SPTAN1: variants seen among roughly 807,000 people sequenced by gnomAD.
SPTAN1 encodes spectrin alpha chain, non-erythrocytic 1.
SPTAN1 carries 61 observed loss-of-function variants against 331.3 expected under a neutral mutation model. That is an observed-to-expected ratio of 0.18 (90% CI 0.15 to 0.23). The LOEUF (loss-of-function observed/expected upper bound fraction) is 0.23, where lower values mean the gene tolerates loss of function less well. SPTAN1 is among the 10% of genes least tolerant of loss of function. SPTAN1 has a pLI of 1.00. For missense variants in SPTAN1, 2,043 were observed against 3,147.9 expected, an observed-to-expected ratio of 0.65 and a Z score of 8.40; for synonymous variants, 1,153 against 1,173.9, an observed-to-expected ratio of 0.98 and a Z score of 0.36.
rs1858569285 is a variant in SPTAN1, at chr9:128,625,328, GAC to G, written c.6069+150_6069+151del. ...TGTCCTGGTCCTCAGGGAGCTTCCA[GAC>G]TAACTGGGGAAGCAGACACAGAACC... is the stretch of plus-strand genomic sequence containing the variant. On this transcript the variant is annotated intron_variant, in intron 47 of 56. Transcript: ENST00000372739. The surrounding 1 kb of genome is among the most constrained non-coding windows in gnomAD (Gnocchi z 4.1). 1 of 833,776 alleles carries G rather than the reference GAC, an allele frequency of 1.2e-6. No homozygotes were observed. The highest frequency in any genetic ancestry group is 2.0e-6 in the Non-Finnish European group (1 of 505,256). The allele number at this position is 833,776 out of a possible 1,614,324, so 51.6% of individuals were successfully genotyped here. A position where few individuals can be genotyped will look rare whatever the true frequency, so the allele number is the denominator to read the frequency against.
At chr9:128,614,047 A>C (rs959184207) in intron 40 of SPTAN1, among the ~76,000 whole-genome samples, 2 of 152,006 alleles carry the variant, frequency 1.3e-5, no homozygotes, top group Admixed American at 1.3e-4. Flanking sequence ...GGTGTTTTGC[A>C]TTGGATGAAA....
intron 41 of SPTAN1, among the ~76,000 whole-genome samples, chr9:128,616,210 G>C (rs574017017): frequency 7.9e-5 from 12 of 152,076 alleles, no homozygotes; most frequent in African/African-American, 2.6e-4. Flanking sequence ...TGATGTGGCA[G>C]GTAAACAAAC....
chr9:128,633,030 G>A (rs1478983495), intron 56 of SPTAN1, 75 bp downstream of exon 56: 2 of 1,600,678 alleles, frequency 1.2e-6, no homozygotes, highest in East Asian at 2.2e-5. Flanking sequence ...AGCTGAGTCT[G>A]GGGTAACAGG....
At position 128,627,095 on chromosome 9, in the gene SPTAN1, G is replaced by T. The variant is rs1462898957; in HGVS notation, c.6577-291G>T. 1.7e-6 allele frequency: 1 copy of T among 571,752 alleles called. No homozygotes were observed. The highest frequency in any genetic ancestry group is 1.8e-5 in the African/African-American group (1 of 54,214). The allele number at this position is 571,752 out of a possible 1,614,324, so 35.4% of individuals were successfully genotyped here. A position where few individuals can be genotyped will look rare whatever the true frequency, so the allele number is the denominator to read the frequency against. On this transcript the variant is annotated intron_variant, in intron 49 of 56. Coordinates refer to ENST00000372739, the MANE Select transcript of SPTAN1 (RefSeq NM_001130438.3). This position sits in a 1 kb window ranked among gnomAD's most constrained non-coding sequence, Gnocchi z 4.9. ...CCCAAAGTGCTGGGATTACAGGTGT[G>T]AGCCACTGTACCCAGCCAGAAGTTT...
At chr9:128,562,894 G>A (rs1053790988) in intron 1 of SPTAN1, among the ~76,000 whole-genome samples, 4 of 150,392 alleles carry the variant, frequency 2.7e-5, no homozygotes, top group Non-Finnish European at 4.4e-5. Context: ...GAACCCAGGA[G>A]GTGGAGCTTG....
chr9:128,584,963 C>A, intron 18 of SPTAN1, 120 bp downstream of exon 18: 2 of 1,154,952 alleles, frequency 1.7e-6, no homozygotes, highest in Non-Finnish European at 2.6e-6. Context: ...CATCCCCATT[C>A]TTTCCTAACT....
At chr9:128,632,094 C>T (rs900129867) in intron 52 of SPTAN1, 33 bp from the exon 53 acceptor site, 5 of 1,607,710 alleles carry the variant, frequency 3.1e-6, no homozygotes, top group South Asian at 2.2e-5. Context: ...CTGAGGGCCC[C>T]CGTCTGAGCA....
intron 4 of SPTAN1, 147 bp from the exon 5 acceptor site, chr9:128,575,052 G>T: frequency 7.8e-7 from 1 of 1,287,554 alleles, no homozygotes; most frequent in Non-Finnish European, 1.1e-6. Flanking sequence ...CTTTCTGTGG[G>T]AGGAACTAAA....
rs1194143165 is a variant in SPTAN1, at chr9:128,606,720, A to G, written c.4047-884A>G. Among the ~76,000 whole-genome samples the G allele has an allele frequency of 4.6e-5, 7 of 152,092 alleles. No homozygotes were observed. The East Asian group carries it at 1.4e-3, about 30-fold the overall frequency. ...AGGCTGGTCTCGAACTCCTGACCTC[A>G]GGTGATCCACCCACCTCGGCCTCCC... is the stretch of plus-strand genomic sequence containing the variant. On this transcript the variant is annotated intron_variant, in intron 31 of 56. Transcript: ENST00000372739.
intron 45 of SPTAN1, 47 bp from the exon 46 acceptor site, chr9:128,624,281 C>T: frequency 1.2e-6 from 2 of 1,612,240 alleles, no homozygotes; most frequent in East Asian, 2.2e-5. Context: ...AGTCAGGTAA[C>T]CACAGCAGGT....
Position 128,579,700 on chromosome 9 carries a change from G to C in SPTAN1, c.1285G>C (p.Ala429Pro). Residue 429 changes from alanine (A) to proline (P), a missense_variant, in exon 10 of 57, where the codon GCT becomes CCT. Ala to Pro is a conservative substitution (Grantham distance 27). This residue lies in a region of SPTAN1 where 1,038 missense variants were observed against 1,531.5 expected (regional missense o/e 0.68). Transcript: ENST00000372739. Reference protein sequence around the residue: ...SADESGQALLAAGHYASDEVR... With the variant: ...SADESGQALLPAGHYASDEVR... ...AGATGAATCTGGACAGGCACTGCTT[G>C]CTGCTGGTCACTATGCCTCAGATGA... The C allele has an allele frequency of 6.2e-7, 1 of 1,614,114 alleles. No individual in the cohort carries two copies. Among genetic ancestry groups the C allele is most frequent in the Non-Finnish European group, 8.5e-7 (1 of 1,180,008 alleles).
intron 31 of SPTAN1, among the ~76,000 whole-genome samples, chr9:128,606,050 C>T (rs560468561): frequency 2.0e-5 from 3 of 151,678 alleles, no homozygotes; most frequent in Non-Finnish European, 4.4e-5. Context: ...GTAAAATAGT[C>T]AAACTACTGA....
intron 27 of SPTAN1, among the ~76,000 whole-genome samples, chr9:128,602,405 C>T (rs569877920): frequency 2.6e-5 from 4 of 151,746 alleles, no homozygotes; most frequent in East Asian, 2.0e-4. Context: ...TTAGTAGAGA[C>T]GGGGTTTCGC....
intron 1 of SPTAN1, among the ~76,000 whole-genome samples, chr9:128,563,597 A>G (rs964021710): frequency 5.9e-5 from 9 of 152,128 alleles, no homozygotes; most frequent in East Asian, 1.9e-4. Flanking sequence ...CAATTTTACA[A>G]TATGCAAACT....
intron 1 of SPTAN1, among the ~76,000 whole-genome samples, chr9:128,555,618 G>GCCTT (rs1247213736): frequency 0.08 from 1,271 of 15,926 alleles, 63 homozygotes; most frequent in Non-Finnish European, 0.31. Flanking sequence ...AATTTGCAAA[G>GCCTT]CCTTTTTTTT....
chr9:128,578,343 ATG>A, intron 9 of SPTAN1, 98 bp downstream of exon 9: 8 of 1,501,918 alleles, frequency 5.3e-6, no homozygotes, highest in Non-Finnish European at 7.3e-6. Flanking sequence ...CGTTGGTACC[ATG>A]TTATTCACAG....
chr9:128,576,613 C>G (rs1250982054), intron 5 of SPTAN1, among the ~76,000 whole-genome samples: 1 of 152,210 alleles, frequency 6.6e-6, no homozygotes, highest in African/African-American at 2.4e-5. Flanking sequence ...CACACTACTC[C>G]AAAAGATAGA....
At chr9:128,585,151 A>AC (rs1199681653) in intron 18 of SPTAN1, among the ~76,000 whole-genome samples, 2 of 151,600 alleles carry the variant, frequency 1.3e-5, no homozygotes, top group African/African-American at 4.8e-5. Context: ...AGTAGCTGGG[A>AC]CTACAGGGAC....
chr9:128,589,320 G>T (rs1278800991), intron 21 of SPTAN1, among the ~76,000 whole-genome samples: 3 of 128,614 alleles, frequency 2.3e-5, no homozygotes, highest in Non-Finnish European at 3.1e-5. Context: ...ACAGAGTCTC[G>T]CTCTGTCACC....
Sources: allele counts gnomAD v4.1 joint callset (sites outside exome capture counted in the v4.1 genomes callset), GRCh38; gene constraint gnomAD v4.1.1; regional missense constraint gnomAD v4.1.1; non-coding constraint Gnocchi (gnomAD v3.1); transcripts MANE v1.5; gene names NCBI Gene and HGNC (gene_info 2026-07-23, HGNC 2026-07-21).